The following TRHDE variants were observed in gnomAD, a reference collection of about 807,000 sequenced individuals.
TRHDE encodes thyrotropin releasing hormone degrading enzyme, also known as thyrotropin-releasing hormone-degrading ectoenzyme.
Under a neutral mutation model 125.7 loss-of-function variants are expected in TRHDE, and 72 were observed. The observed-to-expected ratio is 0.57, with a 90% CI of 0.47 to 0.70. The LOEUF is 0.70. TRHDE is among the 30% of genes least tolerant of loss of function. The probability of loss-of-function intolerance (pLI) is 0.00; values close to 1 mark genes in which losing one functional copy is unlikely to be tolerated. For synonymous variants in TRHDE, 509 were observed against 509.1 expected, an observed-to-expected ratio of 1.00 and a Z score of 0.00; for missense variants, 1,110 against 1,327.1, an observed-to-expected ratio of 0.84 and a Z score of 2.54.
At chr12:72,579,853 G>C (rs1026945058) in intron 12 of TRHDE, among the ~76,000 whole-genome samples, 1 of 151,884 alleles carries the variant, frequency 6.6e-6, no homozygotes, top group Admixed American at 6.6e-5. Context: ...TAATTTTTGT[G>C]GATTTGAAAT....
chr12:72,615,360 C>T (rs577192274), intron 12 of TRHDE, among the ~76,000 whole-genome samples: 5 of 152,286 alleles, frequency 3.3e-5, no homozygotes, highest in South Asian at 2.1e-4. Context: ...AAGTGCGCTT[C>T]CTACTGGGCT....
intron 2 of TRHDE, chr12:72,255,809 C>CT (rs1878800942): frequency 6.6e-6 from 1 of 152,162 alleles, no homozygotes; most frequent in African/African-American, 2.4e-5. Flanking sequence ...TGGGTGGGTC[C>CT]AGGGCCATTC....
rs543915096 is a variant in TRHDE at position 72,248,100 on chromosome 12, A to T, written n.280-129895A>T. Among the ~76,000 whole-genome samples the T allele has an allele frequency of 2.6e-5, 4 of 152,284 alleles. No homozygotes were observed. The South Asian group carries it at 8.3e-4, about 32-fold the overall frequency. On this transcript the variant is annotated intron_variant and non_coding_transcript_variant, in intron 2 of 4. Transcript: ENST00000548156. ...ACATATGTACGCACATATACAGCTA[A>T]TGGAATAGAATATTTAAATTTAATA...
chr12:72,439,754 T>C (rs1874913370), intron 3 of TRHDE, among the ~76,000 whole-genome samples: 1 of 151,932 alleles, frequency 6.6e-6, no homozygotes, highest in South Asian at 2.1e-4. Flanking sequence ...CTTGCTTAAT[T>C]GCTCTGGGTG....
chr12:72,455,011 T>C (rs1406155456), intron 3 of TRHDE, among the ~76,000 whole-genome samples: 1 of 152,202 alleles, frequency 6.6e-6, no homozygotes, highest in Non-Finnish European at 1.5e-5. Context: ...CTGAGAATGC[T>C]TTATGATTCA....
intron 17 of TRHDE, among the ~76,000 whole-genome samples, chr12:72,655,197 T>C (rs951518466): frequency 1.1e-4 from 16 of 152,028 alleles, no homozygotes; most frequent in African/African-American, 3.6e-4. Flanking sequence ...TTCAGTCTCC[T>C]GAGTAGCTGG....
intron 2 of TRHDE, among the ~76,000 whole-genome samples, chr12:72,301,386 C>A (rs573331479): frequency 6.6e-6 from 1 of 152,240 alleles, no homozygotes; most frequent in African/African-American, 2.4e-5. Context: ...ATGGTGGAGA[C>A]AGTCCTTTTA....
At position 72,668,010 on chromosome 12, in the gene TRHDE, G is replaced by T. The variant is rs1296239830; in HGVS notation, c.*4815G>T. ...CTTTAAAGCAGATTAAATAATACTT[G>T]TCCTAAGCATAATTTATTTGTTGAA... is the stretch of plus-strand genomic sequence containing the variant. On this transcript the variant is annotated 3_prime_UTR_variant, in exon 19 of 19. Coordinates refer to ENST00000261180, the MANE Select transcript of TRHDE (RefSeq NM_013381.3). The T allele has an allele frequency of 6.6e-6, 1 of 151,498 alleles. No homozygotes were observed. The highest frequency in any genetic ancestry group is 1.5e-5 in the Non-Finnish European group (1 of 67,682). The allele number at this position is 151,498 out of a possible 1,614,324, so 9.4% of individuals were successfully genotyped here.
intron 13 of TRHDE, among the ~76,000 whole-genome samples, chr12:72,620,338 CA>C (rs3080963): frequency 0.16 from 10,566 of 67,504 alleles, 327 homozygotes; most frequent in East Asian, 0.48. Context: ...CCCATCTCTA[CA>C]AAAAAAAAAA....
chr12:72,108,537 C>T (rs866862596), intron 2 of TRHDE, among the ~76,000 whole-genome samples: 2 of 152,024 alleles, frequency 1.3e-5, no homozygotes, highest in South Asian at 4.1e-4. Flanking sequence ...AATGTGAGTG[C>T]CAGCTTCTTC....
intron 7 of TRHDE, among the ~76,000 whole-genome samples, chr12:72,555,257 T>A (rs1256000414): frequency 6.6e-6 from 1 of 152,116 alleles, no homozygotes; most frequent in Non-Finnish European, 1.5e-5. Context: ...GTAAACACAT[T>A]TACAAATTCA....
At chr12:72,583,336 A>G (rs1427244931) in intron 12 of TRHDE, among the ~76,000 whole-genome samples, 1 of 152,198 alleles carries the variant, frequency 6.6e-6, no homozygotes, top group Non-Finnish European at 1.5e-5. Flanking sequence ...GTTCCATGAT[A>G]TGAGCAGTGT....
At chr12:72,533,411 G>A (rs185659372) in intron 6 of TRHDE, among the ~76,000 whole-genome samples, 4 of 152,184 alleles carry the variant, frequency 2.6e-5, no homozygotes, top group African/African-American at 7.2e-5. Flanking sequence ...CTGACCTTGT[G>A]ATCTGCCCAC....
intron 1 of TRHDE, among the ~76,000 whole-genome samples, chr12:72,089,184 C>G (rs1874735396): frequency 6.6e-6 from 1 of 152,126 alleles, no homozygotes; most frequent in Admixed American, 6.6e-5. Context: ...TATCCTAAAA[C>G]CAGCCACTTC....
At chr12:72,230,307 T>C (rs1203551727) in intron 2 of TRHDE, among the ~76,000 whole-genome samples, 1 of 152,160 alleles carries the variant, frequency 6.6e-6, no homozygotes, top group Non-Finnish European at 1.5e-5. Flanking sequence ...ATTCTTACCA[T>C]ACTTATTACA....
chr12:72,509,797 T>C (rs1422594886), intron 6 of TRHDE, among the ~76,000 whole-genome samples: 1 of 152,230 alleles, frequency 6.6e-6, no homozygotes, highest in East Asian at 1.9e-4. Flanking sequence ...ATACTGCCTG[T>C]GTGCAGTAAG....
chr12:72,238,006 G>C (rs1731365794), intron 2 of TRHDE, among the ~76,000 whole-genome samples: 1 of 151,904 alleles, frequency 6.6e-6, no homozygotes, highest in Non-Finnish European at 1.5e-5. Flanking sequence ...AGAAAAAGAA[G>C]GAGGCCAGGC....
intron 15 of TRHDE, among the ~76,000 whole-genome samples, chr12:72,648,660 A>T (rs554406451): frequency 6.6e-6 from 1 of 152,180 alleles, no homozygotes; most frequent in East Asian, 1.9e-4. Context: ...AAAAATAATA[A>T]AATAGGCTGG....
intron 2 of TRHDE, among the ~76,000 whole-genome samples, chr12:72,331,384 T>C (rs577692195): frequency 1.5e-5 from 1 of 67,026 alleles, no homozygotes; most frequent in South Asian, 5.4e-4. Flanking sequence ...CTGAAGATCA[T>C]TAATTCTCTT....
Sources: allele counts gnomAD v4.1 joint callset (sites outside exome capture counted in the v4.1 genomes callset), GRCh38; gene constraint gnomAD v4.1.1; transcripts MANE v1.5; gene names NCBI Gene and HGNC (gene_info 2026-07-23, HGNC 2026-07-21).